The following KLHDC10 variants were observed in gnomAD, a reference collection of about 807,000 sequenced individuals.
KLHDC10 encodes the protein kelch domain-containing protein 10.
In KLHDC10, 24 loss-of-function variants were observed where a neutral mutation model predicts 56.1. That is an observed-to-expected ratio of 0.43 (90% CI 0.31 to 0.60). The LOEUF is 0.60. KLHDC10 is among the 20% of genes least tolerant of loss of function. KLHDC10 has a pLI of 0.11. For synonymous variants in KLHDC10, 188 were observed against 207.1 expected (o/e 0.91, Z 0.79); for missense variants, 349 against 567.0 (o/e 0.62, Z 3.91).
At chr7:130,085,423 G>A (rs1293005061) in intron 1 of KLHDC10, among the ~76,000 whole-genome samples, 1 of 151,912 alleles carries the variant, frequency 6.6e-6, no homozygotes, top group Non-Finnish European at 1.5e-5. Context: ...GCAAGCAAAG[G>A]TCAGTGAGGT....
intron 3 of KLHDC10, among the ~76,000 whole-genome samples, chr7:130,119,460 C>T (rs191184741): frequency 1.0e-3 from 150 of 149,556 alleles, no homozygotes; most frequent in Non-Finnish European, 1.7e-3. Context: ...TGCAGTAAGC[C>T]GTGATCGTGT....
At chr7:130,108,226 CAAAAAAA>C (rs1326695276) in intron 2 of KLHDC10, among the ~76,000 whole-genome samples, 3 of 142,312 alleles carry the variant, frequency 2.1e-5, no homozygotes, top group East Asian at 2.1e-4. Context: ...AGACTTGTCT[CAAAAAAA>C]AAGAAAAAAG....
intron 1 of KLHDC10, 144 bp from the exon 2 acceptor site, chr7:130,096,777 G>A (rs1408842294): frequency 1.9e-6 from 1 of 525,576 alleles, no homozygotes; most frequent in East Asian, 2.9e-5. Flanking sequence ...CCAAAACAGG[G>A]TTAAATGCTA....
chr7:130,070,904 AAAGGCAGGCCCCACGCATAGCAGAGGG>A (rs1795399452), intron 1 of KLHDC10, 95 bp downstream of exon 1: 1 of 912,584 alleles, frequency 1.1e-6, no homozygotes, highest in East Asian at 3.0e-5. Context: ...TGGGAGGAGG[AAAGGCAGGCCCCACGCATAGCAGAGGG>A]ACTGGGGATC....
At chr7:130,109,108 T>G (rs554308000) in intron 2 of KLHDC10, among the ~76,000 whole-genome samples, 5 of 152,114 alleles carry the variant, frequency 3.3e-5, no homozygotes, top group Non-Finnish European at 5.9e-5. Context: ...GGTTTCACCG[T>G]GTTGACCAGG....
chr7:130,104,003 G>A (rs1201285758), intron 2 of KLHDC10, among the ~76,000 whole-genome samples: 4 of 151,968 alleles, frequency 2.6e-5, no homozygotes, highest in East Asian at 1.9e-4. Flanking sequence ...CAGGAGAATC[G>A]CTTAAACCCA....
intron 1 of KLHDC10, among the ~76,000 whole-genome samples, chr7:130,073,550 C>T (rs1015841220): frequency 2.0e-5 from 3 of 152,158 alleles, no homozygotes; most frequent in African/African-American, 7.2e-5. Flanking sequence ...TCCGCCTCAG[C>T]CTCCCGAAGT....
At position 130,116,103 on chromosome 7, in the gene KLHDC10, GT is replaced by G. The variant is rs1338452351; in HGVS notation, c.254-340del. On this transcript the variant is annotated intron_variant, in intron 2 of 9. Transcript: ENST00000335420. The surrounding 1 kb of genome is among the most constrained non-coding windows in gnomAD (Gnocchi z 4.8). ...CTAAGGAAATAAGAAAACTTGTCCT[GT>G]TAGCTTTTGGATTATTAAATCTTTC... 6.6e-6 allele frequency among the ~76,000 whole-genome samples: 1 copy of G among 152,018 alleles called. No homozygotes were observed. Among genetic ancestry groups the G allele is most frequent in the African/African-American group, 2.4e-5 (1 of 41,382 alleles).
At chr7:130,075,966 G>A (rs1179159257) in intron 1 of KLHDC10, among the ~76,000 whole-genome samples, 1 of 151,934 alleles carries the variant, frequency 6.6e-6, no homozygotes, top group Non-Finnish European at 1.5e-5. Context: ...GGTTCATATT[G>A]TTTATAAAGG....
intron 2 of KLHDC10, among the ~76,000 whole-genome samples, chr7:130,101,600 G>A (rs1232205693): frequency 6.6e-6 from 1 of 152,088 alleles, no homozygotes; most frequent in Non-Finnish European, 1.5e-5. Context: ...CCAGGATAAA[G>A]CCATGAGAAC....
chr7:130,125,823 C>T, intron 6 of KLHDC10, 42 bp from the exon 7 acceptor site: 1 of 1,439,316 alleles, frequency 6.9e-7, no homozygotes, highest in Non-Finnish European at 9.5e-7. Context: ...GCTAAAATTA[C>T]AATTATTTAT....
chr7:130,086,236 A>T (rs540733170), intron 1 of KLHDC10, among the ~76,000 whole-genome samples: 2 of 152,090 alleles, frequency 1.3e-5, no homozygotes, highest in Non-Finnish European at 2.9e-5. Flanking sequence ...GTGGTTTTGA[A>T]CACTCTGTAT....
At chr7:130,115,597 C>A (rs968448850) in intron 2 of KLHDC10, among the ~76,000 whole-genome samples, 5 of 151,608 alleles carry the variant, frequency 3.3e-5, no homozygotes, top group Middle Eastern at 3.2e-3. Context: ...CACCTATAAT[C>A]CCAGCTACTT....
intron 2 of KLHDC10, among the ~76,000 whole-genome samples, chr7:130,097,702 A>G (rs1795868996): frequency 6.6e-6 from 1 of 152,204 alleles, no homozygotes; most frequent in Non-Finnish European, 1.5e-5. Flanking sequence ...TGGGAAGATA[A>G]AGCTCATATA....
At chr7:130,102,670 A>AG (rs1795948733) in intron 2 of KLHDC10, among the ~76,000 whole-genome samples, 1 of 152,086 alleles carries the variant, frequency 6.6e-6, no homozygotes, top group East Asian at 1.9e-4. Context: ...TACTAAAAAT[A>AG]CTAAAGTTAG....
At chr7:130,084,176 G>C (rs547554983) in intron 1 of KLHDC10, among the ~76,000 whole-genome samples, 3 of 152,278 alleles carry the variant, frequency 2.0e-5, no homozygotes, top group African/African-American at 7.2e-5. Flanking sequence ...AACTGAATTT[G>C]TGATCTTTAT....
chr7:130,113,669 T>C (rs1421319755), intron 2 of KLHDC10, among the ~76,000 whole-genome samples: 1 of 152,100 alleles, frequency 6.6e-6, no homozygotes, highest in Non-Finnish European at 1.5e-5. Context: ...TAGAGAAATA[T>C]GAAACCGTCT....
chr7:130,091,065 A>G (rs907637547), intron 1 of KLHDC10, among the ~76,000 whole-genome samples: 1 of 152,104 alleles, frequency 6.6e-6, no homozygotes, highest in Non-Finnish European at 1.5e-5. Context: ...GTTTTACCAC[A>G]GGTTTAACCA....
chr7:130,071,312 T>C (rs1005271996), intron 1 of KLHDC10, among the ~76,000 whole-genome samples: 1 of 152,046 alleles, frequency 6.6e-6, no homozygotes, highest in African/African-American at 2.4e-5. Context: ...CTGGGGAGTG[T>C]ATGGGAAAGA....
Sources: allele counts gnomAD v4.1 joint callset (sites outside exome capture counted in the v4.1 genomes callset), GRCh38; gene constraint gnomAD v4.1.1; non-coding constraint Gnocchi (gnomAD v3.1); transcripts MANE v1.5; gene names NCBI Gene and HGNC (gene_info 2026-07-23, HGNC 2026-07-21).